Variants in NAV2 observed in about 807,000 individuals in gnomAD.
The protein encoded by NAV2 is helicase, APC down-regulated 1.
A neutral mutation model predicts 223.2 loss-of-function variants in NAV2; 54 were observed. That is an observed-to-expected ratio of 0.24 (90% CI 0.19 to 0.30). The LOEUF (loss-of-function observed/expected upper bound fraction) is 0.30, where lower values mean the gene tolerates loss of function less well. NAV2 is among the 10% of genes least tolerant of loss of function. NAV2 has a pLI of 1.00. For missense variants in NAV2, 2,806 were observed against 3,147.5 expected (o/e 0.89, Z 2.60); for synonymous variants, 1,279 against 1,239.3 (o/e 1.03, Z -0.67).
At chr11:19,579,701 A>C (rs2045661333) in intron 1 of NAV2, among the ~76,000 whole-genome samples, 1 of 152,242 alleles carries the variant, frequency 6.6e-6, no homozygotes, top group Non-Finnish European at 1.5e-5. Context: ...GGAATTCAGT[A>C]AGTGTACATA....
chr11:19,525,984 C>T (rs910449912), intron 1 of NAV2, among the ~76,000 whole-genome samples: 5 of 152,208 alleles, frequency 3.3e-5, no homozygotes, highest in East Asian at 1.9e-4. Context: ...TAATGTTCCC[C>T]GCCTCCCTGT....
chr11:19,741,502 T>TTC (rs2052801006), intron 1 of NAV2, among the ~76,000 whole-genome samples: 2 of 145,464 alleles, frequency 1.4e-5, no homozygotes, highest in Non-Finnish European at 3.0e-5. Flanking sequence ...TCTTTCTTTT[T>TTC]TTTTTTTTTT....
chr11:19,939,989 A>C (rs1403289508), intron 8 of NAV2, among the ~76,000 whole-genome samples: 1 of 150,606 alleles, frequency 6.6e-6, no homozygotes, highest in African/African-American at 2.4e-5. Context: ...CCTCCTCCCC[A>C]GAATCGTAAA....
intron 14 of NAV2, among the ~76,000 whole-genome samples, chr11:20,046,151 T>C (rs2057400891): frequency 1.3e-5 from 2 of 152,074 alleles, no homozygotes; most frequent in Admixed American, 6.5e-5. Context: ...CTGGCCAATA[T>C]GGTGAAACCC....
rs370268391 is a variant in NAV2, at chr11:19,478,251, C to T, written c.75+127224C>T. 2.6e-3 allele frequency among the ~76,000 whole-genome samples: 395 copies of T among 152,042 alleles called. 1 individual carries two copies. The highest frequency in any genetic ancestry group is 8.4e-3 in the African/African-American group (349 of 41,452). ...AAATATGGGCAGCAGAAGAGAAGGG[C>T]GGAGAAAATTGCACAAGCAAAGCTC... On this transcript the variant is annotated intron_variant, in intron 1 of 37. Coordinates refer to the NAV2 transcript ENST00000360655.
At chr11:19,663,749 T>G (rs2048345721) in intron 1 of NAV2, among the ~76,000 whole-genome samples, 1 of 152,220 alleles carries the variant, frequency 6.6e-6, no homozygotes, top group South Asian at 2.1e-4. Flanking sequence ...GCCCTTTGCT[T>G]CCAGCCTCCT....
At chr11:19,810,381 C>T (rs987373294) in intron 1 of NAV2, among the ~76,000 whole-genome samples, 6 of 152,062 alleles carry the variant, frequency 3.9e-5, no homozygotes, top group Non-Finnish European at 8.8e-5. Context: ...TCCAAGGATC[C>T]CTGGTTCTTT....
intron 1 of NAV2, among the ~76,000 whole-genome samples, chr11:19,540,687 C>T (rs1400235663): frequency 6.6e-6 from 1 of 152,172 alleles, no homozygotes; most frequent in Admixed American, 6.5e-5. Context: ...TAGCTGCTCC[C>T]CCTGACCCAA....
chr11:20,102,672 C>T (rs2061722990), intron 32 of NAV2, among the ~76,000 whole-genome samples: 2 of 152,134 alleles, frequency 1.3e-5, no homozygotes, highest in African/African-American at 4.8e-5. Flanking sequence ...CAGCCTTTTC[C>T]ACTGATGCAC....
rs530114287 is a variant in NAV2 at position 19,939,588 on chromosome 11, G to A, written c.2034-73G>A. On this transcript the variant is annotated intron_variant, in intron 7 of 37. Transcript: ENST00000349880. ...ACAGGAGGTGATGGTGAGGGCTGTG[G>A]TTAGACCACAGTGGTCCAGATGTGG... The A allele has an allele frequency of 1.6e-5, 19 of 1,188,572 alleles. No individual in the cohort carries two copies. In the South Asian group the frequency reaches 2.2e-4, roughly 14 times the overall value. 73.6% of individuals were successfully genotyped at this position (1,188,572 alleles called of 1,614,324 possible).
rs116996650 is a variant in NAV2, at chr11:19,744,034, C to T, written c.267+30072C>T. Among the ~76,000 whole-genome samples the T allele has an allele frequency of 3.9e-3, 587 of 152,310 alleles. 4 individuals carry two copies. Among genetic ancestry groups the T allele is most frequent in the Non-Finnish European group, 6.3e-3 (429 of 68,024 alleles). ...CACCTAATATGTGTTAGATAAGGTA[C>T]AAGATGTTTTCACAGAGATTATCTC... On this transcript the variant is annotated intron_variant, in intron 1 of 37. Transcript: ENST00000349880.
intron 1 of NAV2, among the ~76,000 whole-genome samples, chr11:19,450,928 G>A (rs747214966): frequency 1.3e-5 from 2 of 152,150 alleles, no homozygotes; most frequent in African/African-American, 4.8e-5. Context: ...GGGTCTGCTG[G>A]GTGAGGTGGA....
At chr11:19,650,213 C>G (rs1170924982) in intron 1 of NAV2, among the ~76,000 whole-genome samples, 2 of 151,946 alleles carry the variant, frequency 1.3e-5, no homozygotes, top group African/African-American at 4.8e-5. Context: ...TGACTGGCAC[C>G]CTTATAAGAG....
intron 1 of NAV2, among the ~76,000 whole-genome samples, chr11:19,386,310 T>C (rs1267292870): frequency 6.6e-6 from 1 of 152,250 alleles, no homozygotes; most frequent in African/African-American, 2.4e-5. Flanking sequence ...GAGAACTGGG[T>C]TGCTCTATTG....
chr11:20,103,586 C>T, intron 33 of NAV2, 67 bp from the exon 34 acceptor site: 1 of 1,574,290 alleles, frequency 6.4e-7, no homozygotes, highest in Admixed American at 1.7e-5. Context: ...CCATGGGCCT[C>T]TGTGACCACC....
chr11:20,101,017 C>G lies in NAV2; in HGVS notation c.6262C>G (p.Leu2088Val). The stretch of plus-strand genomic sequence containing the variant: ...CATCCTGCAGCGCTACGTCTCCCTC[C>G]TGATAGAGCACCGTCGGATCATTCT... ...KPILQRYVSLLIEHRRIILSG... is the reference protein window; with the variant it reads ...KPILQRYVSLVIEHRRIILSG... Residue 2088 changes from leucine to valine, a missense_variant, in exon 32 of 38, where the codon CTG becomes GTG. Physicochemically the swap from Leu to Val is conservative, Grantham distance 32 (BLOSUM62 1). Coordinates refer to ENST00000349880, the MANE Select transcript of NAV2 (RefSeq NM_145117.5). The G allele has an allele frequency of 1.2e-6, 2 of 1,614,162 alleles. 1 individual carries two copies. Among genetic ancestry groups the G allele is most frequent in the South Asian group, 2.2e-5 (2 of 91,074 alleles).
rs1221304171 is a variant in NAV2, at chr11:19,594,453, G to A, written c.76-238031G>A. The stretch of plus-strand genomic sequence containing the variant: ...CTTTTTTTTTTTTTTTTAAAGAAGG[G>A]ATTTCTCCTGTGTCTTCTGTATCCA... On this transcript the variant is annotated intron_variant, in intron 1 of 37. Transcript: ENST00000360655. Among the ~76,000 whole-genome samples, 3 of 150,920 alleles carry A rather than the reference G, an allele frequency of 2.0e-5. No individual in the cohort carries two copies. The East Asian group carries it at 5.8e-4, about 29-fold the overall frequency.
At chr11:19,689,433 G>A (rs1294220695) in intron 1 of NAV2, among the ~76,000 whole-genome samples, 1 of 152,206 alleles carries the variant, frequency 6.6e-6, no homozygotes, top group Non-Finnish European at 1.5e-5. Flanking sequence ...CAGGACTCAG[G>A]GCAAAGACAT....
chr11:20,053,251 A>T (rs1439989743), intron 17 of NAV2, among the ~76,000 whole-genome samples: 1 of 151,374 alleles, frequency 6.6e-6, no homozygotes, highest in Non-Finnish European at 1.5e-5. Flanking sequence ...AAAGGAAAGA[A>T]ATTTCACACG....
Sources: allele counts gnomAD v4.1 joint callset (sites outside exome capture counted in the v4.1 genomes callset), GRCh38; gene constraint gnomAD v4.1.1; transcripts MANE v1.5; gene names NCBI Gene and HGNC (gene_info 2026-07-23, HGNC 2026-07-21).